DENND1A: variants seen among roughly 807,000 people sequenced by gnomAD.
The protein encoded by DENND1A is DENN domain containing 1A.
In DENND1A, 51 loss-of-function variants were observed where a neutral mutation model predicts 113.7. The ratio of observed to expected loss-of-function variants is 0.45; its 90% CI spans 0.36 to 0.57. DENND1A has a LOEUF of 0.57. DENND1A is among the 20% of genes least tolerant of loss of function. The pLI is 0.00. For missense variants in DENND1A, 1,258 were observed against 1,395.9 expected (o/e 0.90, Z 1.57); for synonymous variants, 565 against 570.8 (o/e 0.99, Z 0.14).
chr9:123,788,971 T>G (rs2131988956), intron 3 of DENND1A, among the ~76,000 whole-genome samples: 1 of 152,118 alleles, frequency 6.6e-6, no homozygotes, highest in South Asian at 2.1e-4. Context: ...ATCCTACCAA[T>G]GTTGATGTTT....
At chr9:123,578,280 T>C (rs746884818) in intron 12 of DENND1A, among the ~76,000 whole-genome samples, 13 of 152,240 alleles carry the variant, frequency 8.5e-5, no homozygotes, top group Admixed American at 2.6e-4. Context: ...AGTGGGATAG[T>C]AGGCCTCACC....
At chr9:123,718,649 TG>T (rs2067134743) in intron 5 of DENND1A, among the ~76,000 whole-genome samples, 1 of 152,200 alleles carries the variant, frequency 6.6e-6, no homozygotes, top group Non-Finnish European at 1.5e-5. Flanking sequence ...AGAAGAACAC[TG>T]GAACGATTCT....
At chr9:123,521,846 A>T (rs1256546695) in intron 13 of DENND1A, among the ~76,000 whole-genome samples, 1 of 152,146 alleles carries the variant, frequency 6.6e-6, no homozygotes, top group Non-Finnish European at 1.5e-5. Flanking sequence ...TGTAACAGGG[A>T]TGCTACCATC....
At chr9:123,501,172 G>A (rs897320734) in intron 13 of DENND1A, among the ~76,000 whole-genome samples, 11 of 152,116 alleles carry the variant, frequency 7.2e-5, no homozygotes, top group African/African-American at 2.4e-4. Context: ...TACGTTCCTC[G>A]TACAAGTAGA....
At chr9:123,490,512 C>T (rs1282680007) in intron 13 of DENND1A, among the ~76,000 whole-genome samples, 1 of 151,906 alleles carries the variant, frequency 6.6e-6, no homozygotes, top group Non-Finnish European at 1.5e-5. Flanking sequence ...TCGCTTGAAC[C>T]CAGGGGACAG....
chr9:123,424,472 TCCCACCA>T (rs1167571966), intron 19 of DENND1A, among the ~76,000 whole-genome samples: 1 of 152,096 alleles, frequency 6.6e-6, no homozygotes, highest in Non-Finnish European at 1.5e-5. Context: ...TAGATTAGGC[TCCCACCA>T]GCCCTGGCCT....
At chr9:123,444,983 CAG>C (rs2047194350) in intron 18 of DENND1A, among the ~76,000 whole-genome samples, 3 of 152,198 alleles carry the variant, frequency 2.0e-5, no homozygotes, top group African/African-American at 7.2e-5. Context: ...AGGCTCAGCT[CAG>C]AGAGTTACGG....
chr9:123,769,741 T>C (rs41274358), intron 3 of DENND1A, among the ~76,000 whole-genome samples, 178 bp from the exon 4 acceptor site: 71 of 152,230 alleles, frequency 4.7e-4, no homozygotes, highest in South Asian at 8.3e-4. Context: ...ATAATAAACA[T>C]GATCAAACTT....
chr9:123,391,841 G>T (rs1308285536), intron 21 of DENND1A, among the ~76,000 whole-genome samples: 1 of 149,074 alleles, frequency 6.7e-6, no homozygotes, highest in African/African-American at 2.5e-5. Context: ...CCCACCACTT[G>T]CCTGGATTTT....
At chr9:123,865,235 T>C (rs137871995) in intron 2 of DENND1A, among the ~76,000 whole-genome samples, 2,249 of 152,268 alleles carry the variant, frequency 0.015, 63 homozygotes, top group African/African-American at 0.05. Context: ...TCAACTTCAA[T>C]TGGGTCTAGA....
rs528178145 is a variant in DENND1A at position 123,380,532 on chromosome 9, C to T, written c.*900G>A. On this transcript the variant is annotated 3_prime_UTR_variant, in exon 24 of 24. Transcript: ENST00000394215. ...GCCTTCCACATCAGTCTGAGGCATT[C>T]AGCTTGACCTTTTTGGGTTGAAATC... is the stretch of plus-strand genomic sequence containing the variant. 8 of 152,558 alleles carry T rather than the reference C, an allele frequency of 5.2e-5. No individual in the cohort carries two copies. Among genetic ancestry groups the T allele is most frequent in the African/African-American group, 1.4e-4 (6 of 41,580 alleles). The allele number at this position is 152,558 out of a possible 1,614,324, so 9.5% of individuals were successfully genotyped here.
chr9:123,480,155 T>C (rs2050219127), intron 13 of DENND1A, among the ~76,000 whole-genome samples: 1 of 152,154 alleles, frequency 6.6e-6, no homozygotes, highest in African/African-American at 2.4e-5. Flanking sequence ...TCTGTGAGGG[T>C]TCCCAGGCCT....
intron 13 of DENND1A, among the ~76,000 whole-genome samples, chr9:123,485,999 G>C (rs2050829541): frequency 6.6e-6 from 1 of 152,168 alleles, no homozygotes; most frequent in South Asian, 2.1e-4. Context: ...TGGATCTTCA[G>C]TGGCTGGCAT....
At chr9:123,852,248 A>G (rs541949441) in intron 2 of DENND1A, among the ~76,000 whole-genome samples, 78 of 152,304 alleles carry the variant, frequency 5.1e-4, no homozygotes, top group African/African-American at 1.7e-3. Context: ...TAAGTTTCTC[A>G]TCCTCACCTA....
chr9:123,582,803 G>A (rs1166448632), intron 12 of DENND1A, among the ~76,000 whole-genome samples: 2 of 151,898 alleles, frequency 1.3e-5, no homozygotes, highest in East Asian at 3.9e-4. Flanking sequence ...GGGTTCAAGT[G>A]ATTCTCCTGC....
At chr9:123,711,922 T>C (rs773520290) in intron 5 of DENND1A, among the ~76,000 whole-genome samples, 2 of 152,212 alleles carry the variant, frequency 1.3e-5, no homozygotes, top group Non-Finnish European at 2.9e-5. Context: ...ACCACTGGCT[T>C]ATCCAGCTCA....
intron 13 of DENND1A, among the ~76,000 whole-genome samples, chr9:123,468,457 T>C (rs2049130754): frequency 1.3e-5 from 2 of 152,184 alleles, no homozygotes; most frequent in Admixed American, 6.5e-5. Context: ...TGGACCCACT[T>C]GACAGTCCTT....
chr9:123,615,110 G>A (rs1468640888), intron 10 of DENND1A, among the ~76,000 whole-genome samples: 1 of 152,192 alleles, frequency 6.6e-6, no homozygotes, highest in Non-Finnish European at 1.5e-5. Flanking sequence ...TGCTCTTCAG[G>A]CTAATGTAAC....
chr9:123,678,110 G>A (rs2064208885), intron 5 of DENND1A, among the ~76,000 whole-genome samples: 2 of 152,112 alleles, frequency 1.3e-5, no homozygotes, highest in African/African-American at 4.8e-5. Flanking sequence ...CCCTGGTCAT[G>A]AGAATGCTGC....
Sources: gnomAD v4.1 joint callset for allele counts (sites outside exome capture counted in the v4.1 genomes callset) on GRCh38, gnomAD v4.1.1 for gene constraint, MANE v1.5 for transcripts, NCBI Gene and HGNC (gene_info 2026-07-23, HGNC 2026-07-21) for gene names.